Variants in CRLF1 observed in about 807,000 individuals in gnomAD.
The protein encoded by CRLF1 is cytokine receptor like factor 1.
Under a neutral mutation model 48.9 loss-of-function variants are expected in CRLF1, and 36 were observed. That is an observed-to-expected ratio of 0.74 (90% CI 0.56 to 0.97). CRLF1 has a LOEUF of 0.97. Among genes scored for constraint, CRLF1 ranks in the 50% least tolerant of loss-of-function variants. CRLF1 has a pLI of 0.00. For synonymous variants in CRLF1, 256 were observed against 253.4 expected (o/e 1.01, Z -0.10); for missense variants, 534 against 575.1 (o/e 0.93, Z 0.73).
chr19:18,593,432 G>T lies in CRLF1; in HGVS notation c.*134C>A. The T allele has an allele frequency of 7.7e-7, 1 of 1,291,098 alleles. No individual in the cohort carries two copies. The highest frequency in any genetic ancestry group is 1.1e-6 in the Non-Finnish European group (1 of 925,466). 80.0% of individuals were successfully genotyped at this position (1,291,098 alleles called of 1,614,324 possible). On this transcript the variant is annotated 3_prime_UTR_variant, in exon 9 of 9. Coordinates refer to ENST00000392386, the MANE Select transcript of CRLF1 (RefSeq NM_004750.5). The stretch of plus-strand genomic sequence containing the variant: ...GGGAGTCAGAGCTGTTATGGCCGTT[G>T]GAGCTCAGGGGCCACCCCAGCTCCT...
intron 4 of CRLF1, among the ~76,000 whole-genome samples, chr19:18,597,323 G>T (rs994821927): frequency 6.6e-6 from 1 of 152,070 alleles, no homozygotes; most frequent in African/African-American, 2.4e-5. Context: ...GCCATTGCGG[G>T]GTTGATGATA....
intron 1 of CRLF1, among the ~76,000 whole-genome samples, chr19:18,605,036 T>A (rs1976272092): frequency 6.6e-6 from 1 of 152,164 alleles, no homozygotes; most frequent in Non-Finnish European, 1.5e-5. Context: ...CCCACCCGCC[T>A]GCTGGTCAGG....
intron 8 of CRLF1, 53 bp from the exon 9 acceptor site, chr19:18,593,632 C>T (rs975426261): frequency 1.9e-6 from 3 of 1,569,872 alleles, no homozygotes; most frequent in African/African-American, 2.7e-5. Flanking sequence ...GAGGGCCGCA[C>T]CACAGAGCCA....
At chr19:18,596,305 G>A (rs922016831) in intron 6 of CRLF1, among the ~76,000 whole-genome samples, 15 of 152,262 alleles carry the variant, frequency 9.9e-5, no homozygotes, top group Middle Eastern at 3.4e-3. Flanking sequence ...TTGGGAGGCC[G>A]AAATGGGCAG....
intron 2 of CRLF1, 146 bp downstream of exon 2, chr19:18,599,419 C>T: frequency 8.2e-7 from 1 of 1,214,712 alleles, no homozygotes; most frequent in Non-Finnish European, 1.2e-6. Flanking sequence ...TCTCCAGGTT[C>T]TCATTCCCAC....
intron 8 of CRLF1, 69 bp downstream of exon 8, chr19:18,593,996 A>C (rs1976091742): frequency 6.5e-7 from 1 of 1,534,848 alleles, no homozygotes; most frequent in Non-Finnish European, 8.8e-7. Context: ...GGGTGTGAAC[A>C]AGACCTGCAG....
intron 6 of CRLF1, among the ~76,000 whole-genome samples, chr19:18,595,537 A>T (rs1362893437): frequency 6.6e-6 from 1 of 152,224 alleles, no homozygotes; most frequent in Non-Finnish European, 1.5e-5. Context: ...CACCTGAGAA[A>T]AAGCGGCCTC....
chr19:18,597,102 C>G, intron 4 of CRLF1, 53 bp from the exon 5 acceptor site: 1 of 1,572,634 alleles, frequency 6.4e-7, no homozygotes, highest in East Asian at 2.3e-5. Context: ...GGTTTAACTC[C>G]CCCCAGCAGT....
intron 1 of CRLF1, 116 bp from the exon 2 acceptor site, chr19:18,599,962 C>T: frequency 1.8e-6 from 2 of 1,141,830 alleles, no homozygotes; most frequent in Middle Eastern, 3.0e-4. Flanking sequence ...ATGATTGTCC[C>T]CCATTTTACA....
chr19:18,598,917 G>C lies in CRLF1; in HGVS notation c.398-16C>G, dbSNP rs1388094205. Reference sequence around the variant, plus strand: ...TCTGGGGGCACTGGGAGAAGGGGAGGGTGCAGGAAGCAGGCTGAGGGTCTG... The same window carrying C: ...TCTGGGGGCACTGGGAGAAGGGGAGCGTGCAGGAAGCAGGCTGAGGGTCTG... On this transcript the variant is annotated splice_polypyrimidine_tract_variant and intron_variant, in intron 2 of 8. Coordinates refer to ENST00000392386, the MANE Select transcript of CRLF1 (RefSeq NM_004750.5). 1.9e-6 allele frequency: 3 copies of C among 1,613,322 alleles called. No homozygotes were observed. In the African/African-American group the frequency reaches 4.0e-5, roughly 22 times the overall value.
rs774678811 is a variant in CRLF1, at chr19:18,597,060, G to GA, written c.698-12dup. 6.2e-7 allele frequency: 1 copy of GA among 1,611,226 alleles called. No homozygotes were observed. The highest frequency in any genetic ancestry group is 1.1e-5 in the South Asian group (1 of 90,892). On this transcript the variant is annotated splice_polypyrimidine_tract_variant and intron_variant, in intron 4 of 8. Transcript: ENST00000392386. The stretch of plus-strand genomic sequence containing the variant: ...GGGGGTCCGTGGTCACTGCGGGGCA[G>GA]AGGAGGGACCCTCTCAGCCTGGGAC...
rs752167079 is a variant in CRLF1 at position 18,598,482 on chromosome 19, C to A, written c.647G>T (p.Arg216Leu). The A allele has an allele frequency of 7.4e-6, 12 of 1,613,970 alleles. No homozygotes were observed. The East Asian group carries it at 1.8e-4, about 24-fold the overall frequency. ...TACATCGGAGCGGGCAGAGCCCAGG[C>A]GGTTGGTGGCCTCCACCCAGATCTC... ...PYEIWVEATN[R>L]LGSARSDVLT... Residue 216 changes from arginine to leucine, a missense_variant, in exon 4 of 9, where the codon CGC (arginine) becomes CTC (leucine). Arg to Leu is a moderately radical substitution (Grantham distance 102). Around this residue, in one of 2 missense-constraint regions of CRLF1, gnomAD observed 528 missense variants for 555.7 expected, o/e 0.95. Coordinates refer to ENST00000392386, the MANE Select transcript of CRLF1 (RefSeq NM_004750.5).
chr19:18,598,142 C>T (rs1488108729), intron 4 of CRLF1, among the ~76,000 whole-genome samples: 4 of 152,178 alleles, frequency 2.6e-5, no homozygotes, highest in Admixed American at 1.3e-4. Flanking sequence ...CTCCCCTCTC[C>T]CCAGGGCCCC....
At chr19:18,594,032 T>TGGCCC in intron 8 of CRLF1, 33 bp downstream of exon 8, 9 of 695,804 alleles carry the variant, frequency 1.3e-5, no homozygotes, top group African/African-American at 2.1e-5. Flanking sequence ...CTCCCCTTGC[T>TGGCCC]CCCTCCCGCC....
rs1600658776 is a variant in CRLF1, at chr19:18,606,043, G to A, written c.115+499C>T. 6.6e-6 allele frequency among the ~76,000 whole-genome samples: 1 copy of A among 151,728 alleles called. No individual in the cohort carries two copies. The highest frequency in any genetic ancestry group is 1.5e-5 in the Non-Finnish European group (1 of 67,840). ...CGGCCCGTGGAGACACAAGTCCCCC[G>A]GGACCCCGGGCTGCGCGCCAGGCGG... is the stretch of plus-strand genomic sequence containing the variant. On this transcript the variant is annotated intron_variant, in intron 1 of 8. Transcript: ENST00000392386. This position sits in a 1 kb window ranked among gnomAD's most constrained non-coding sequence, Gnocchi z 4.8.
intron 1 of CRLF1, among the ~76,000 whole-genome samples, chr19:18,603,500 T>TTCTCAGCC (rs1198260817): frequency 2.0e-5 from 3 of 151,926 alleles, no homozygotes; most frequent in Non-Finnish European, 4.4e-5. Context: ...GATTCCAGGG[T>TTCTCAGCC]TCTCAGCCGG....
rs776417728 is a variant in CRLF1 at position 18,594,277 on chromosome 19, C to T, written c.1182G>A (p.Trp394Ter). The change falls in exon 7 of 9, where the codon TGG becomes TGA. Residue 394 changes from tryptophan to a stop codon, truncating the protein, a stop_gained. Coordinates refer to ENST00000392386, the MANE Select transcript of CRLF1 (RefSeq NM_004750.5). LOFTEE classifies it high-confidence loss of function. The stretch of plus-strand genomic sequence containing the variant: ...TGCGGGTCTTGTGCGACTTCTGCAT[C>T]CAGGCTCGCCACTGGTCGTAGAGGC... Reference protein sequence around the residue: ...SFRLYDQWRAWMQKSHKTRNQ... With the variant: ...SFRLYDQWRA 3 of 1,612,428 alleles carry T rather than the reference C, an allele frequency of 1.9e-6. No individual in the cohort carries two copies. The East Asian group carries it at 6.7e-5, about 36-fold the overall frequency.
intron 6 of CRLF1, 90 bp downstream of exon 6, chr19:18,596,532 G>GAA: frequency 1.7e-5 from 22 of 1,328,488 alleles, no homozygotes; most frequent in Non-Finnish European, 2.0e-5. Flanking sequence ...TGTCTCAAAA[G>GAA]AAAAAAAAAA....
intron 1 of CRLF1, among the ~76,000 whole-genome samples, chr19:18,604,812 C>T (rs1481843942): frequency 1.3e-5 from 2 of 152,210 alleles, no homozygotes; most frequent in East Asian, 1.9e-4. Flanking sequence ...TCCCTGCCTC[C>T]CCTCCTTTCC....
Sources: gnomAD v4.1 joint callset for allele counts (sites outside exome capture counted in the v4.1 genomes callset) on GRCh38, gnomAD v4.1.1 for gene constraint, gnomAD v4.1.1 regional missense constraint, Gnocchi (gnomAD v3.1) non-coding constraint, MANE v1.5 for transcripts, NCBI Gene and HGNC (gene_info 2026-07-23, HGNC 2026-07-21) for gene names.